Variants in CAMKK1 observed in about 807,000 individuals in gnomAD.
The protein encoded by CAMKK1 is calcium/calmodulin-dependent protein kinase kinase 1.
Under a neutral mutation model 63.5 loss-of-function variants are expected in CAMKK1, and 20 were observed. The observed-to-expected ratio is 0.32, with a 90% CI of 0.22 to 0.46. The LOEUF is 0.46. CAMKK1 is among the 20% of genes least tolerant of loss of function. CAMKK1 has a pLI of 1.00. For synonymous variants in CAMKK1, 253 were observed against 269.0 expected (o/e 0.94, Z 0.58); for missense variants, 588 against 658.1 (o/e 0.89, Z 1.17).
At chr17:3,871,249 G>A (rs1448097813) in intron 12 of CAMKK1, among the ~76,000 whole-genome samples, 2 of 151,972 alleles carry the variant, frequency 1.3e-5, no homozygotes, top group African/African-American at 2.4e-5. Context: ...AGGGCTTGGG[G>A]ACCACACAGG....
At chr17:3,878,448 G>A (rs1844508646) in intron 9 of CAMKK1, among the ~76,000 whole-genome samples, 1 of 152,186 alleles carries the variant, frequency 6.6e-6, no homozygotes, top group African/African-American at 2.4e-5. Context: ...AGGACTTCAG[G>A]GGAAAGAAGG....
chr17:3,883,248 AAGCAAG>A lies in CAMKK1; in HGVS notation c.515-79_515-74del. 9.4e-6 allele frequency: 15 copies of A among 1,587,600 alleles called. No individual in the cohort carries two copies. Among genetic ancestry groups the A allele is most frequent in the Non-Finnish European group, 1.3e-5 (15 of 1,164,402 alleles). Reference sequence around the variant, plus strand: ...TCACCGTGGCCCCCAAACCAGTCTCAAGCAAGAGTCTTGCATGCCCGTGGTCTTGTC... The same window carrying A: ...TCACCGTGGCCCCCAAACCAGTCTCAAGTCTTGCATGCCCGTGGTCTTGTC... On this transcript the variant is annotated intron_variant, in intron 5 of 15. Coordinates refer to ENST00000348335, the MANE Select transcript of CAMKK1 (RefSeq NM_032294.3). This position sits in a 1 kb window ranked among gnomAD's most constrained non-coding sequence, Gnocchi z 4.7.
intron 7 of CAMKK1, 50 bp from the exon 8 acceptor site, chr17:3,881,698 G>T (rs1470417816): frequency 6.5e-7 from 1 of 1,527,750 alleles, no homozygotes; most frequent in Non-Finnish European, 8.9e-7. Context: ...CAAAGCAGCC[G>T]ATGCCAAGGT....
chr17:3,889,536 A>C lies in CAMKK1; in HGVS notation c.-44+3403T>G, dbSNP rs1445270820. ...TAACACGTGCATCAAGCAGAAGGCCACTGTCCTGCCAACTCCCAGGGCGAT... is the reference window on the plus strand; with the variant it reads ...TAACACGTGCATCAAGCAGAAGGCCCCTGTCCTGCCAACTCCCAGGGCGAT... On this transcript the variant is annotated intron_variant, in intron 1 of 15. Transcript: ENST00000348335. The surrounding 1 kb of genome is among the most constrained non-coding windows in gnomAD (Gnocchi z 5.2). Among the ~76,000 whole-genome samples, 1 of 151,998 alleles carries C rather than the reference A, an allele frequency of 6.6e-6. No individual in the cohort carries two copies. Among genetic ancestry groups the C allele is most frequent in the Non-Finnish European group, 1.5e-5 (1 of 67,998 alleles).
intron 14 of CAMKK1, among the ~76,000 whole-genome samples, chr17:3,867,586 T>C (rs1168776291): frequency 1.3e-5 from 2 of 151,996 alleles, no homozygotes; most frequent in Non-Finnish European, 2.9e-5. Flanking sequence ...GAGGAGATGG[T>C]GGCTAAGATC....
At position 3,866,143 on chromosome 17, in the gene CAMKK1, A is replaced by G. The variant is rs1367157365; in HGVS notation, c.1342-132T>C. 9.2e-6 allele frequency: 10 copies of G among 1,089,734 alleles called. No individual in the cohort carries two copies. The East Asian group carries it at 2.6e-4, about 28-fold the overall frequency. 67.5% of individuals were successfully genotyped at this position (1,089,734 alleles called of 1,614,324 possible). ...CCCATCTCAATCAGCACAGCATGAA[A>G]TGGCAGAGGCAAGAACACGGGGCGC... On this transcript the variant is annotated intron_variant, in intron 14 of 15. Coordinates refer to ENST00000348335, the MANE Select transcript of CAMKK1 (RefSeq NM_032294.3).
Position 3,861,940 on chromosome 17 carries a change from C to T in CAMKK1, c.*271G>A, listed in dbSNP as rs531075006. 26 of 467,766 alleles carry T rather than the reference C, an allele frequency of 5.6e-5. No homozygotes were observed. The highest frequency in any genetic ancestry group is 3.9e-4 in the South Asian group (12 of 30,460). The allele number at this position is 467,766 out of a possible 1,614,324, so 29.0% of individuals were successfully genotyped here. ...GCATTTCTGAGGCTCCATGGGCACC[C>T]GGTTTCCCCACAGAATGGGTCAGGC... On this transcript the variant is annotated 3_prime_UTR_variant, in exon 16 of 16. Transcript: ENST00000348335.
rs376047621 is a variant in CAMKK1, at chr17:3,883,970, C to G, written c.409-33G>C. ...TAGGCATCAGTCAGCCCCACCTGGACAGGGCAACCCCTCCCAGGACCAGCT... is the reference window on the plus strand; with the variant it reads ...TAGGCATCAGTCAGCCCCACCTGGAGAGGGCAACCCCTCCCAGGACCAGCT... On this transcript the variant is annotated intron_variant, in intron 3 of 15. Coordinates refer to ENST00000348335, the MANE Select transcript of CAMKK1 (RefSeq NM_032294.3). This position sits in a 1 kb window ranked among gnomAD's most constrained non-coding sequence, Gnocchi z 4.7. The G allele has an allele frequency of 6.2e-7, 1 of 1,609,058 alleles. No individual in the cohort carries two copies. The highest frequency in any genetic ancestry group is 8.5e-7 in the Non-Finnish European group (1 of 1,176,976).
intron 10 of CAMKK1, among the ~76,000 whole-genome samples, chr17:3,874,898 G>T (rs1361557177): frequency 6.6e-6 from 1 of 150,834 alleles, no homozygotes; most frequent in Non-Finnish European, 1.5e-5. Context: ...GAGGCGGGCG[G>T]ATCACGAGGT....
Position 3,884,505 on chromosome 17 carries a change from C to T in CAMKK1, c.361-78G>A. The T allele has an allele frequency of 7.4e-7, 1 of 1,360,022 alleles. No individual in the cohort carries two copies. Among genetic ancestry groups the T allele is most frequent in the Non-Finnish European group, 1.0e-6 (1 of 973,884 alleles). The allele number at this position is 1,360,022 out of a possible 1,614,324, so 84.2% of individuals were successfully genotyped here. A position where few individuals can be genotyped will look rare whatever the true frequency, so the allele number is the denominator to read the frequency against. On this transcript the variant is annotated intron_variant, in intron 2 of 15. Coordinates refer to ENST00000348335, the MANE Select transcript of CAMKK1 (RefSeq NM_032294.3). The surrounding 1 kb of genome is among the most constrained non-coding windows in gnomAD (Gnocchi z 4.5). ...TCCTACCTCAGAGCCCGTTCAGGGT[C>T]CAATTCTGGCCATAAGCTCCTCATT...
intron 7 of CAMKK1, 197 bp from the exon 8 acceptor site, chr17:3,881,845 T>G: frequency 1.7e-6 from 1 of 588,792 alleles, no homozygotes; most frequent in Non-Finnish European, 3.1e-6. Flanking sequence ...TCTCATCTGA[T>G]CCTCAGGTGC....
chr17:3,862,286 G>A lies in CAMKK1; in HGVS notation c.1446-3C>T. ...CCCCTTCACCAAACCCTTCTTTCCTGTTCAGGGGACACCAGGGACAGAGGG... is the reference window on the plus strand; with the variant it reads ...CCCCTTCACCAAACCCTTCTTTCCTATTCAGGGGACACCAGGGACAGAGGG... On this transcript the variant is annotated splice_region_variant and splice_polypyrimidine_tract_variant and intron_variant, in intron 15 of 15. Coordinates refer to ENST00000348335, the MANE Select transcript of CAMKK1 (RefSeq NM_032294.3). The surrounding 1 kb of genome is among the most constrained non-coding windows in gnomAD (Gnocchi z 4.1). The A allele has an allele frequency of 6.3e-7, 1 of 1,577,330 alleles. No homozygotes were observed. The highest frequency in any genetic ancestry group is 8.6e-7 in the Non-Finnish European group (1 of 1,160,312).
rs1346576423 is a variant in CAMKK1, at chr17:3,883,443, T to A, written c.500A>T (p.Gln167Leu). The change falls in exon 5 of 16, where the codon CAG becomes CTG. Residue 167 changes from glutamine (Q) to leucine (L), a missense_variant. Gln to Leu is a moderately radical substitution (Grantham distance 113). Around this residue, in one of 3 missense-constraint regions of CAMKK1, gnomAD observed 357 missense variants for 407.4 expected, o/e 0.88. Transcript: ENST00000348335. This position sits in a 1 kb window ranked among gnomAD's most constrained non-coding sequence, Gnocchi z 4.7. ...KVLSKKKLLK[Q>L]YGFPRRPPPR... is the part of the protein sequence containing the mutation. ...AAGATACATACGTGGAAAGCCATAC[T>A]GCTTCAGTAACTTCTTTTTGGAAAG... 1 of 1,613,984 alleles carries A rather than the reference T, an allele frequency of 6.2e-7. No individual in the cohort carries two copies. The highest frequency in any genetic ancestry group is 8.5e-7 in the Non-Finnish European group (1 of 1,179,840).
chr17:3,869,023 C>T (rs1285386972), intron 14 of CAMKK1, among the ~76,000 whole-genome samples: 9 of 150,178 alleles, frequency 6.0e-5, no homozygotes, highest in Admixed American at 1.3e-4. Context: ...GGCTGGAGTG[C>T]AGTGGCGCGA....
At chr17:3,891,178 C>T (rs907579750) in intron 1 of CAMKK1, among the ~76,000 whole-genome samples, 3 of 151,820 alleles carry the variant, frequency 2.0e-5, no homozygotes, top group Admixed American at 6.6e-5. Context: ...CAAATAGTCA[C>T]GGAGCACCTG....
intron 15 of CAMKK1, chr17:3,865,245 C>G: frequency 2.0e-6 from 2 of 985,680 alleles, no homozygotes; most frequent in Non-Finnish European, 2.4e-6. Context: ...CTTTTCTGGA[C>G]CCTCCTAGGA....
At chr17:3,866,638 G>C (rs2054537915) in intron 14 of CAMKK1, among the ~76,000 whole-genome samples, 1 of 152,144 alleles carries the variant, frequency 6.6e-6, no homozygotes, top group Non-Finnish European at 1.5e-5. Context: ...GTCAACACTG[G>C]TCACCACTGG....
intron 1 of CAMKK1, among the ~76,000 whole-genome samples, chr17:3,888,063 A>G (rs2055732982): frequency 6.6e-6 from 1 of 152,152 alleles, no homozygotes; most frequent in Non-Finnish European, 1.5e-5. Flanking sequence ...GACAGATGAG[A>G]AAGCAGCCTC....
chr17:3,885,025 G>T (rs1228956708), intron 2 of CAMKK1, among the ~76,000 whole-genome samples: 1 of 152,184 alleles, frequency 6.6e-6, no homozygotes, highest in African/African-American at 2.4e-5. Flanking sequence ...AGAGTTAGGG[G>T]GGAAGGGGGA....
Sources: allele counts gnomAD v4.1 joint callset (sites outside exome capture counted in the v4.1 genomes callset), GRCh38; gene constraint gnomAD v4.1.1; regional missense constraint gnomAD v4.1.1; non-coding constraint Gnocchi (gnomAD v3.1); transcripts MANE v1.5; gene names NCBI Gene and HGNC (gene_info 2026-07-23, HGNC 2026-07-21).